The following RTF1 variants were observed in gnomAD, a reference collection of about 807,000 sequenced individuals.
RTF1 encodes RNA polymerase-associated protein RTF1 homolog.
In RTF1, 10 loss-of-function variants were observed where a neutral mutation model predicts 95.7. The ratio of observed to expected loss-of-function variants is 0.10; its 90% CI spans 0.06 to 0.18. The LOEUF (loss-of-function observed/expected upper bound fraction) is 0.18. Among genes scored for constraint, RTF1 ranks in the 10% least tolerant of loss-of-function variants. The pLI, the probability that RTF1 is intolerant of heterozygous loss-of-function variation, is 1.00. For missense variants in RTF1, 458 were observed against 875.6 expected (o/e 0.52, Z 6.02); for synonymous variants, 305 against 311.8 (o/e 0.98, Z 0.23).
intron 6 of RTF1, among the ~76,000 whole-genome samples, chr15:41,466,970 T>A (rs2050883942): frequency 6.6e-6 from 1 of 152,202 alleles, no homozygotes; most frequent in South Asian, 2.1e-4. Flanking sequence ...TTGTCATTGT[T>A]GCTTGTTCTT....
chr15:41,450,827 T>A lies in RTF1; in HGVS notation c.310-2074T>A, dbSNP rs780533020. On this transcript the variant is annotated intron_variant, in intron 2 of 17. Transcript: ENST00000389629. ...TTAGCTGGGCATGATGGTGCACACC[T>A]GTAGTCCCAGCTACTCAGGAGGCTG... is the stretch of plus-strand genomic sequence containing the variant. 2.8e-4 allele frequency among the ~76,000 whole-genome samples: 43 copies of A among 152,086 alleles called. No individual in the cohort carries two copies. The Middle Eastern group carries it at 0.01, about 36-fold the overall frequency.
chr15:41,477,773 G>T (rs1157518787), intron 14 of RTF1, among the ~76,000 whole-genome samples: 1 of 152,104 alleles, frequency 6.6e-6, no homozygotes, highest in Non-Finnish European at 1.5e-5. Flanking sequence ...TCTGTTTCTT[G>T]GTTGTTTCCC....
chr15:41,459,131 A>G (rs532541518), intron 4 of RTF1, among the ~76,000 whole-genome samples: 124 of 151,652 alleles, frequency 8.2e-4, no homozygotes, highest in Non-Finnish European at 1.4e-3. Flanking sequence ...CTGTAATCCC[A>G]GCACTTTGGG....
intron 2 of RTF1, chr15:41,448,593 A>G (rs1379242598): frequency 6.6e-6 from 1 of 151,922 alleles, no homozygotes. Context: ...GGGGCAGGTG[A>G]CTACGTTCCC....
At chr15:41,477,030 A>T in intron 12 of RTF1, 135 bp from the exon 13 acceptor site, 2 of 1,077,928 alleles carry the variant, frequency 1.9e-6, no homozygotes, top group African/African-American at 1.6e-5. Flanking sequence ...AAGTACTTCT[A>T]CAGTATTCTT....
At chr15:41,430,942 G>A (rs979250323) in intron 1 of RTF1, among the ~76,000 whole-genome samples, 6 of 151,740 alleles carry the variant, frequency 4.0e-5, no homozygotes, top group African/African-American at 1.5e-4. Context: ...TTGCACTGTC[G>A]CCCGGGCTGG....
At chr15:41,446,590 C>T (rs1398083904) in intron 2 of RTF1, among the ~76,000 whole-genome samples, 2 of 151,894 alleles carry the variant, frequency 1.3e-5, no homozygotes, top group African/African-American at 4.8e-5. Context: ...AAAATAGTAC[C>T]TCACATGTAT....
At chr15:41,458,013 G>A (rs757219526) in intron 4 of RTF1, 137 bp downstream of exon 4, 39 of 649,982 alleles carry the variant, frequency 6.0e-5, no homozygotes, top group African/African-American at 4.8e-4. Flanking sequence ...ATGATGAGAC[G>A]CAAGTGATGT....
chr15:41,468,539 G>C (rs960060803), intron 6 of RTF1, among the ~76,000 whole-genome samples: 18 of 152,082 alleles, frequency 1.2e-4, no homozygotes, highest in Admixed American at 4.6e-4. Context: ...GGATGGTCTT[G>C]ATCTCCTGAC....
At chr15:41,430,871 T>G (rs547967720) in intron 1 of RTF1, among the ~76,000 whole-genome samples, 2 of 152,030 alleles carry the variant, frequency 1.3e-5, no homozygotes, top group Non-Finnish European at 2.9e-5. Context: ...GTTAAGAGAG[T>G]CTTTGCTGTC....
At position 41,482,714 on chromosome 15, in the gene RTF1, T is replaced by C. The variant is rs922120929; in HGVS notation, c.*2027T>C. ...GAATAGTCCATTGACCGAAACTCTT[T>C]ATAGACTATTGTGTAAATGTGGAAT... On this transcript the variant is annotated 3_prime_UTR_variant, in exon 18 of 18. Transcript: ENST00000389629. The C allele has an allele frequency of 3.9e-5, 6 of 152,626 alleles. No homozygotes were observed. Among genetic ancestry groups the C allele is most frequent in the African/African-American group, 1.2e-4 (5 of 41,446 alleles). 9.5% of individuals were successfully genotyped at this position (152,626 alleles called of 1,614,324 possible).
At chr15:41,472,420 T>C (rs573858420) in intron 8 of RTF1, among the ~76,000 whole-genome samples, 1 of 152,218 alleles carries the variant, frequency 6.6e-6, no homozygotes, top group African/African-American at 2.4e-5. Context: ...TTGGCCAGGC[T>C]GGTCTTGAAC....
intron 8 of RTF1, among the ~76,000 whole-genome samples, chr15:41,472,185 G>A (rs1398675958): frequency 6.8e-6 from 1 of 146,326 alleles, no homozygotes; most frequent in Non-Finnish European, 1.5e-5. Context: ...ACCGCACCTG[G>A]CCTATTTTTA....
chr15:41,423,517 G>A (rs374017266), intron 1 of RTF1, among the ~76,000 whole-genome samples: 26 of 151,946 alleles, frequency 1.7e-4, no homozygotes, highest in Non-Finnish European at 2.9e-4. Context: ...TGACAGGCAC[G>A]CGCCACCACT....
intron 4 of RTF1, among the ~76,000 whole-genome samples, chr15:41,460,414 C>T (rs997786236): frequency 1.3e-5 from 2 of 152,076 alleles, no homozygotes; most frequent in South Asian, 2.1e-4. Context: ...TGAGCCACCG[C>T]GCTCGGCTTC....
chr15:41,447,597 A>G lies in RTF1; in HGVS notation c.310-5304A>G, dbSNP rs2050770124. Among the ~76,000 whole-genome samples the G allele has an allele frequency of 4.6e-5, 7 of 152,310 alleles. No homozygotes were observed. The South Asian group carries it at 1.2e-3, about 27-fold the overall frequency. On this transcript the variant is annotated intron_variant, in intron 2 of 17. Transcript: ENST00000389629. ...TCTCTTTTTAAGTTTTCTTCATTGC[A>G]TATTTACAAAATACTTTTCTGGTGT... is the stretch of plus-strand genomic sequence containing the variant.
At chr15:41,446,803 A>ATT (rs764254736) in intron 2 of RTF1, among the ~76,000 whole-genome samples, 22 of 136,774 alleles carry the variant, frequency 1.6e-4, no homozygotes, top group African/African-American at 5.7e-4. Context: ...CCCAGCTGTT[A>ATT]TTTTTTTTTT....
At chr15:41,459,523 T>C (rs2050836587) in intron 4 of RTF1, among the ~76,000 whole-genome samples, 1 of 152,198 alleles carries the variant, frequency 6.6e-6, no homozygotes. Context: ...GAGAGTAATA[T>C]GGGAACACAT....
chr15:41,479,079 A>C, intron 15 of RTF1, 24 bp from the exon 16 acceptor site: 1 of 1,571,866 alleles, frequency 6.4e-7, no homozygotes, highest in Non-Finnish European at 8.8e-7. Context: ...AGCAATCTCT[A>C]AAACAACTTA....
Sources: gnomAD v4.1 joint callset for allele counts (sites outside exome capture counted in the v4.1 genomes callset) on GRCh38, gnomAD v4.1.1 for gene constraint, MANE v1.5 for transcripts, NCBI Gene and HGNC (gene_info 2026-07-23, HGNC 2026-07-21) for gene names.